REEP5: variants seen among roughly 807,000 people sequenced by gnomAD.
REEP5 encodes the protein receptor accessory protein 5, also known as receptor expression-enhancing protein 5.
REEP5 carries 24 observed loss-of-function variants against 22.4 expected under a neutral mutation model. The observed-to-expected ratio is 1.07, with a 90% CI of 0.78 to 1.51. The LOEUF is 1.51. Among genes scored for constraint, REEP5 ranks in the 40% most tolerant of loss-of-function variants. The probability of loss-of-function intolerance (pLI) is 0.00; values close to 1 mark genes in which losing one functional copy is unlikely to be tolerated. For synonymous variants in REEP5, 103 were observed against 88.6 expected, an observed-to-expected ratio of 1.16 and a Z score of -0.92; for missense variants, 252 against 233.0, an observed-to-expected ratio of 1.08 and a Z score of -0.53.
chr5:112,914,177 C>T (rs1425299462), intron 2 of REEP5, among the ~76,000 whole-genome samples: 2 of 151,386 alleles, frequency 1.3e-5, no homozygotes, highest in African/African-American at 4.9e-5. Flanking sequence ...GGCTGGAGTG[C>T]AGTGGCGCAA....
intron 3 of REEP5, chr5:112,892,526 G>T: frequency 6.2e-7 from 1 of 1,614,190 alleles, no homozygotes; most frequent in Non-Finnish European, 8.5e-7. Context: ...AACGGACGAT[G>T]GTATGCAGGA....
chr5:112,884,694 C>T (rs893705721), intron 4 of REEP5, among the ~76,000 whole-genome samples: 28 of 151,326 alleles, frequency 1.9e-4, no homozygotes, highest in Admixed American at 1.2e-3. Flanking sequence ...TCCTTTACTA[C>T]TATTGAGTCT....
chr5:112,892,578 A>C (rs1768512026), intron 3 of REEP5: 1 of 1,614,180 alleles, frequency 6.2e-7, no homozygotes, highest in Non-Finnish European at 8.5e-7. Flanking sequence ...CCCGGTGGAA[A>C]ATGGCGATTT....
At chr5:112,893,053 A>T (rs1455201260) in intron 3 of REEP5, 3 of 1,421,262 alleles carry the variant, frequency 2.1e-6, no homozygotes, top group East Asian at 4.6e-5. Flanking sequence ...TAGAGACAGA[A>T]CTGTTCAGAG....
intron 3 of REEP5, chr5:112,893,655 G>A (rs972696003): frequency 6.6e-6 from 1 of 152,558 alleles, no homozygotes; most frequent in Admixed American, 6.5e-5. Context: ...ACTCAGACTA[G>A]CATCTAGTAG....
chr5:112,918,281 G>A (rs1272101207), intron 2 of REEP5, among the ~76,000 whole-genome samples: 1 of 152,146 alleles, frequency 6.6e-6, no homozygotes, highest in Non-Finnish European at 1.5e-5. Flanking sequence ...ATAAGGTACT[G>A]GTTGCTCCCC....
intron 3 of REEP5, among the ~76,000 whole-genome samples, chr5:112,901,473 C>T (rs1183249257): frequency 3.3e-5 from 5 of 151,948 alleles, no homozygotes; most frequent in African/African-American, 1.2e-4. Flanking sequence ...CTTTGGGAGG[C>T]CGAGGTGGGT....
chr5:112,902,433 C>A lies in REEP5; in HGVS notation c.298G>T (p.Glu100Ter). Residue 100 changes from glutamate to a stop codon, truncating the protein, a stop_gained, in exon 3 of 5, where the codon GAA becomes TAA. Transcript: ENST00000379638. LOFTEE classifies it high-confidence loss of function. The stretch of plus-strand genomic sequence containing the variant: ...GACAGGAAGATATCAGAGAAGAATT[C>A]AGCAATGCTGAACACACCATACACT... The part of the protein sequence containing the change: ...WVVYGVFSIA[E>*]FFSDIFLSWF... 6 of 1,613,074 alleles carry A rather than the reference C, an allele frequency of 3.7e-6. No homozygotes were observed. Among genetic ancestry groups the A allele is most frequent in the Non-Finnish European group, 5.1e-6 (6 of 1,179,712 alleles).
chr5:112,898,466 A>C (rs1768762226), intron 3 of REEP5: 1 of 152,230 alleles, frequency 6.6e-6, no homozygotes. Context: ...AATGAACTTC[A>C]AAACCAAATA....
At chr5:112,901,209 T>A (rs114688806) in intron 3 of REEP5, among the ~76,000 whole-genome samples, 1 of 152,214 alleles carries the variant, frequency 6.6e-6, no homozygotes, top group African/African-American at 2.4e-5. Flanking sequence ...ATATTAGAAC[T>A]GCTGACCAAG....
chr5:112,892,560 C>A, intron 3 of REEP5: 3 of 1,614,132 alleles, frequency 1.9e-6, no homozygotes, highest in Non-Finnish European at 1.7e-6. Flanking sequence ...GTGAATTCTG[C>A]CCAGTGACCC....
At chr5:112,892,508 C>T in intron 3 of REEP5, 1 of 1,614,158 alleles carries the variant, frequency 6.2e-7, no homozygotes, top group Non-Finnish European at 8.5e-7. Context: ...GCAGCCCTTT[C>T]TCTGTTTAAC....
intron 4 of REEP5, among the ~76,000 whole-genome samples, chr5:112,880,202 G>A (rs974516527): frequency 1.4e-4 from 22 of 152,120 alleles, no homozygotes; most frequent in Non-Finnish European, 3.1e-4. Flanking sequence ...CTTGAAGCCA[G>A]GAGTTTGAGA....
intron 2 of REEP5, among the ~76,000 whole-genome samples, chr5:112,903,858 G>A (rs1174582596): frequency 1.3e-5 from 2 of 152,170 alleles, no homozygotes; most frequent in East Asian, 3.8e-4. Flanking sequence ...ATTTTTTTGA[G>A]ACAGGGTCTC....
At chr5:112,902,034 C>A (rs1369954377) in intron 3 of REEP5, among the ~76,000 whole-genome samples, 1 of 150,744 alleles carries the variant, frequency 6.6e-6, no homozygotes, top group Non-Finnish European at 1.5e-5. Flanking sequence ...TTAACCAGAA[C>A]TAAAACTCAA....
chr5:112,881,096 T>G (rs1768061042), intron 4 of REEP5, among the ~76,000 whole-genome samples: 1 of 116,058 alleles, frequency 8.6e-6, no homozygotes, highest in South Asian at 2.9e-4. Flanking sequence ...GCTACTGCAC[T>G]CCAGCCTGGG....
intron 3 of REEP5, among the ~76,000 whole-genome samples, chr5:112,898,980 AT>A (rs1262314642): frequency 6.6e-6 from 1 of 152,204 alleles, no homozygotes; most frequent in East Asian, 1.9e-4. Flanking sequence ...GCATGTTTTC[AT>A]TTAATTTTTT....
chr5:112,903,850 T>C (rs1481420191), intron 2 of REEP5, among the ~76,000 whole-genome samples: 1 of 152,210 alleles, frequency 6.6e-6, no homozygotes, highest in Admixed American at 6.5e-5. Flanking sequence ...AAATTTTTAT[T>C]TTTTTGAGAC....
Position 112,921,999 on chromosome 5 carries a change from G to C in REEP5, c.118+74C>G, listed in dbSNP as rs993977213. The C allele has an allele frequency of 4.5e-5, 69 of 1,518,302 alleles. 2 individuals are homozygous for C. In the South Asian group the frequency reaches 8.0e-4, roughly 18 times the overall value. The allele number at this position is 1,518,302 out of a possible 1,614,324, so 94.1% of individuals were successfully genotyped here. A position where few individuals can be genotyped will look rare whatever the true frequency, so the allele number is the denominator to read the frequency against. On this transcript the variant is annotated intron_variant, in intron 1 of 4. Transcript: ENST00000379638. ...TCCACCTTTCCCGAGTCCTCTCCCT[G>C]CTTCCTTCCCCAGCAGCTGGGGCAG...
Sources: gnomAD v4.1 joint callset for allele counts (sites outside exome capture counted in the v4.1 genomes callset) on GRCh38, gnomAD v4.1.1 for gene constraint, MANE v1.5 for transcripts, NCBI Gene and HGNC (gene_info 2026-07-23, HGNC 2026-07-21) for gene names.